Variants in NUP98 observed in about 807,000 individuals in gnomAD.
NUP98 encodes nuclear pore complex protein Nup98-Nup96.
Under a neutral mutation model 191.9 loss-of-function variants are expected in NUP98, and 26 were observed. The observed-to-expected ratio is 0.14, with a 90% CI of 0.10 to 0.19. NUP98 has a LOEUF of 0.19. Among genes scored for constraint, NUP98 ranks in the 10% least tolerant of loss-of-function variants. NUP98 has a pLI of 1.00. For synonymous variants in NUP98, 808 were observed against 778.4 expected, an observed-to-expected ratio of 1.04 and a Z score of -0.63; for missense variants, 1,941 against 2,178.8, an observed-to-expected ratio of 0.89 and a Z score of 2.17.
chr11:3,754,946 A>AAC (rs1327598176), intron 10 of NUP98, among the ~76,000 whole-genome samples: 1 of 150,128 alleles, frequency 6.7e-6, no homozygotes, highest in Non-Finnish European at 1.5e-5. Flanking sequence ...TATCTCAAAA[A>AAC]AAAAAAAAAA....
In NUP98 at chr11:3,676,292, T is replaced by C. The variant is rs200587450; in HGVS notation, c.5270A>G (p.Asp1757Gly). The change falls in exon 33 of 33, where the codon GAC becomes GGC. Residue 1757 changes from aspartate (D) to glycine (G), a missense_variant. Coordinates refer to ENST00000324932, the MANE Select transcript of NUP98 (RefSeq NM_016320.5). ...GAGGCGCAAAGGGACTCGCTGAGGG[T>C]CTGGTGTTGAGTCGGAGGTTCTATC... ...PPDRTSDSTP[D>G]PQRVPLRLLA... The C allele has an allele frequency of 1.2e-6, 2 of 1,614,076 alleles. No homozygotes were observed. The highest frequency in any genetic ancestry group is 1.7e-6 in the Non-Finnish European group (2 of 1,180,006).
At chr11:3,729,543 CAAAAAAAAAAA>C (rs36045405) in intron 14 of NUP98, among the ~76,000 whole-genome samples, 10 of 55,750 alleles carry the variant, frequency 1.8e-4, no homozygotes, top group Admixed American at 4.6e-4. Flanking sequence ...CCTGTATCTC[CAAAAAAAAAAA>C]AAAAAAAAAA....
rs766040919 is a variant in NUP98 at position 3,686,173 on chromosome 11, C to T, written c.4476G>A (p.Leu1492=). The T allele has an allele frequency of 6.2e-7, 1 of 1,614,244 alleles. No individual in the cohort carries two copies. Among genetic ancestry groups the T allele is most frequent in the Admixed American group, 1.7e-5 (1 of 60,030 alleles). ...CTGCTGTTATGCTTCGAGGCTCCAGCAGCTGGTTGAGATCATAATGTCTGC... is the reference window on the plus strand; with the variant it reads ...CTGCTGTTATGCTTCGAGGCTCCAGTAGCTGGTTGAGATCATAATGTCTGC... ...YSDRHYDLNQ[L]LEPRSITADP... Residue 1492 remains leucine, a synonymous_variant, in exon 29 of 33, where the codon CTG becomes CTA. Transcript: ENST00000324932.
intron 31 of NUP98, chr11:3,679,332 TATTGCACATA>T (rs2077917446): frequency 1.5e-6 from 1 of 646,414 alleles, no homozygotes; most frequent in Non-Finnish European, 2.8e-6. Flanking sequence ...CAGGAATGTC[TATTGCACATA>T]CTAGTTGGTA....
chr11:3,715,515 G>A (rs1420558938), intron 18 of NUP98, among the ~76,000 whole-genome samples: 1 of 152,002 alleles, frequency 6.6e-6, no homozygotes, highest in African/African-American at 2.4e-5. Context: ...GATTAGTGAT[G>A]TTGGGCATCT....
chr11:3,766,226 T>A (rs2081333848), intron 8 of NUP98, among the ~76,000 whole-genome samples: 1 of 151,980 alleles, frequency 6.6e-6, no homozygotes. Flanking sequence ...ACTACAAAAA[T>A]TAGCTGGACA....
At chr11:3,711,941 G>GT in intron 20 of NUP98, 1 of 1,042,026 alleles carries the variant, frequency 9.6e-7, no homozygotes, top group Non-Finnish European at 1.2e-6. Context: ...CAGCTGAGAG[G>GT]TAGAGGATGC....
intron 29 of NUP98, among the ~76,000 whole-genome samples, chr11:3,684,080 C>T (rs2078063344): frequency 6.6e-6 from 1 of 151,836 alleles, no homozygotes. Context: ...GGTGTGGTGG[C>T]AGGCGTCTGT....
chr11:3,749,622 C>CTAAA (rs539925165), intron 11 of NUP98, among the ~76,000 whole-genome samples: 38 of 151,776 alleles, frequency 2.5e-4, no homozygotes, highest in African/African-American at 8.0e-4. Flanking sequence ...AACTCGGTCT[C>CTAAA]TAAATAAATA....
In NUP98 at chr11:3,705,495, T is replaced by C. The variant is rs114673762; in HGVS notation, c.2926-139A>G. 1,619 of 737,498 alleles carry C rather than the reference T, an allele frequency of 2.2e-3. 18 individuals carry two copies. In the African/African-American group the frequency reaches 0.026, roughly 12 times the overall value. The allele number at this position is 737,498 out of a possible 1,614,324, so 45.7% of individuals were successfully genotyped here. ...AGAGCTAGTATATTTGTGTGATGGA[T>C]GGACCCCATTACACTGTGTGTGCCT... On this transcript the variant is annotated intron_variant, in intron 21 of 32. Coordinates refer to ENST00000324932, the MANE Select transcript of NUP98 (RefSeq NM_016320.5).
chr11:3,698,175 G>C (rs11029116), intron 25 of NUP98, among the ~76,000 whole-genome samples: 2 of 152,082 alleles, frequency 1.3e-5, no homozygotes, highest in Admixed American at 6.6e-5. Flanking sequence ...GAAAAGAACA[G>C]AATATAATAC....
chr11:3,678,612 G>A (rs993377090), intron 31 of NUP98, among the ~76,000 whole-genome samples: 4 of 152,160 alleles, frequency 2.6e-5, no homozygotes, highest in South Asian at 2.1e-4. Flanking sequence ...GCTAGGTAGT[G>A]TGGAACATAA....
intron 14 of NUP98, among the ~76,000 whole-genome samples, chr11:3,730,242 T>A (rs1317977817): frequency 1.3e-5 from 2 of 151,828 alleles, no homozygotes; most frequent in Non-Finnish European, 2.9e-5. Flanking sequence ...AAAAAATAAA[T>A]AAATAAAATG....
chr11:3,750,669 C>T (rs941167514), intron 11 of NUP98, among the ~76,000 whole-genome samples: 6 of 151,714 alleles, frequency 4.0e-5, no homozygotes, highest in African/African-American at 1.2e-4. Context: ...ATTCTGTTAC[C>T]CAGGCTGGAG....
Position 3,783,698 on chromosome 11 carries a change from T to TCAAAAA in NUP98, c.-28-1559_-28-1554dup, listed in dbSNP as rs371782660. Reference sequence around the variant, plus strand: ...TGGGTGACAAGAATGAAACTCTGTCTCAAAAACAAAAACAAAAACAAAAAC... The same window carrying TCAAAAA: ...TGGGTGACAAGAATGAAACTCTGTCTCAAAAACAAAAACAAAAACAAAAACAAAAAC... On this transcript the variant is annotated intron_variant, in intron 1 of 32. Coordinates refer to ENST00000324932, the MANE Select transcript of NUP98 (RefSeq NM_016320.5). Among the ~76,000 whole-genome samples the TCAAAAA allele has an allele frequency of 4.0e-3, 606 of 152,068 alleles. 2 individuals carry two copies. The highest frequency in any genetic ancestry group is 0.014 in the African/African-American group (564 of 41,442).
chr11:3,754,497 A>T (rs1385319893), intron 10 of NUP98, among the ~76,000 whole-genome samples: 1 of 152,214 alleles, frequency 6.6e-6, no homozygotes, highest in Non-Finnish European at 1.5e-5. Context: ...GTCCTTGCTA[A>T]GAAAAAAATT....
chr11:3,776,528 G>T (rs1366486805), intron 4 of NUP98, among the ~76,000 whole-genome samples: 1 of 149,166 alleles, frequency 6.7e-6, no homozygotes, highest in East Asian at 2.0e-4. Flanking sequence ...GTGTAGCCCA[G>T]GCTGGAGTGC....
At chr11:3,701,286 G>A (rs2078670109) in intron 23 of NUP98, among the ~76,000 whole-genome samples, 1 of 132,644 alleles carries the variant, frequency 7.5e-6, no homozygotes, top group Non-Finnish European at 1.6e-5. Context: ...TTGAGATGGA[G>A]TTTCACACTG....
chr11:3,771,665 A>G, intron 7 of NUP98, 83 bp downstream of exon 7: 1 of 1,211,904 alleles, frequency 8.3e-7, no homozygotes, highest in Non-Finnish European at 1.2e-6. Context: ...TCTCCATAGC[A>G]CTTATCCCAA....
Sources: allele counts gnomAD v4.1 joint callset (sites outside exome capture counted in the v4.1 genomes callset), GRCh38; gene constraint gnomAD v4.1.1; transcripts MANE v1.5; gene names NCBI Gene and HGNC (gene_info 2026-07-23, HGNC 2026-07-21).